Variants in ABLIM2 observed in about 807,000 individuals in gnomAD.
ABLIM2 encodes actin-binding LIM protein 2.
A neutral mutation model predicts 97.7 loss-of-function variants in ABLIM2; 53 were observed. The observed-to-expected ratio is 0.54, with a 90% CI of 0.44 to 0.68. ABLIM2 has a LOEUF of 0.68. Ranked by LOEUF, ABLIM2 falls within the 30% of genes least tolerant of loss-of-function variation. ABLIM2 has a pLI of 0.00. For synonymous variants in ABLIM2, 361 were observed against 345.8 expected (o/e 1.04, Z -0.49); for missense variants, 835 against 867.2 (o/e 0.96, Z 0.47).
chr4:8,111,325 C>T (rs1840174443), intron 1 of ABLIM2, among the ~76,000 whole-genome samples: 1 of 152,198 alleles, frequency 6.6e-6, no homozygotes, highest in Admixed American at 6.5e-5. Flanking sequence ...TTGATGGTTG[C>T]CAGGGCTGGG....
chr4:7,993,037 C>G, intron 16 of ABLIM2, 110 bp from the exon 17 acceptor site: 1 of 1,112,794 alleles, frequency 9.0e-7, no homozygotes. Flanking sequence ...GCAAGCAACA[C>G]AGGGGAGGCC....
Position 8,106,474 on chromosome 4 carries a change from G to T in ABLIM2, c.154+20C>A. ...GGCCCGTTTCAGGGGCCACACTGCA[G>T]GGGACCGGGGGACACTCACCTTTAC... On this transcript the variant is annotated intron_variant, in intron 2 of 20. Transcript: ENST00000447017. 6.3e-7 allele frequency: 1 copy of T among 1,583,196 alleles called. No homozygotes were observed. Among genetic ancestry groups the T allele is most frequent in the Non-Finnish European group, 8.6e-7 (1 of 1,164,758 alleles).
rs1722954961 is a variant in ABLIM2 at position 7,966,327 on chromosome 4, T to G, written c.*663A>C. ...TTTAATAAAATAAAAACTTCTGTGT[T>G]ACTTTAAAGATATTGTGTAGGCATC... On this transcript the variant is annotated 3_prime_UTR_variant, in exon 21 of 21. Transcript: ENST00000447017. The G allele has an allele frequency of 6.5e-6, 1 of 152,686 alleles. No homozygotes were observed. 9.5% of individuals were successfully genotyped at this position (152,686 alleles called of 1,614,324 possible).
intron 11 of ABLIM2, 135 bp downstream of exon 11, chr4:8,029,521 C>A: frequency 8.4e-7 from 1 of 1,187,170 alleles, no homozygotes; most frequent in African/African-American, 1.6e-5. Flanking sequence ...GCTGGCAATC[C>A]CACCCATTTC....
At chr4:8,048,662 G>T (rs1161309570) in intron 8 of ABLIM2, among the ~76,000 whole-genome samples, 1 of 152,202 alleles carries the variant, frequency 6.6e-6, no homozygotes, top group East Asian at 1.9e-4. Flanking sequence ...CCACAAGCCT[G>T]TTTCCTCGTT....
At position 7,986,529 on chromosome 4, in the gene ABLIM2, T is replaced by G. The variant is rs1404647241; in HGVS notation, c.1681-1636A>C. Among the ~76,000 whole-genome samples the G allele has an allele frequency of 6.6e-6, 1 of 152,218 alleles. No individual in the cohort carries two copies. The highest frequency in any genetic ancestry group is 2.4e-5 in the African/African-American group (1 of 41,458). ...TTACATTAATTTGGATTTCTAAAAC[T>G]ATTGCATTAAACTTATCCTGACTGC... On this transcript the variant is annotated intron_variant, in intron 17 of 20. Coordinates refer to ENST00000447017, the MANE Select transcript of ABLIM2 (RefSeq NM_001130083.2). This position sits in a 1 kb window ranked among gnomAD's most constrained non-coding sequence, Gnocchi z 4.3.
At chr4:8,133,096 C>T (rs1197686459) in intron 1 of ABLIM2, among the ~76,000 whole-genome samples, 1 of 152,192 alleles carries the variant, frequency 6.6e-6, no homozygotes, top group Admixed American at 6.5e-5. Context: ...GGCAATCCTC[C>T]CGAGCCTCAG....
intron 10 of ABLIM2, among the ~76,000 whole-genome samples, chr4:8,030,130 T>C (rs546124361): frequency 3.9e-5 from 6 of 152,080 alleles, no homozygotes; most frequent in Admixed American, 1.3e-4. Context: ...TAGAACACAG[T>C]GTGAGAACCA....
chr4:8,090,211 C>T (rs538622978), intron 3 of ABLIM2, among the ~76,000 whole-genome samples: 101 of 152,344 alleles, frequency 6.6e-4, no homozygotes, highest in South Asian at 2.3e-3. Context: ...CCTGGGTCTC[C>T]GTGTCTTGCA....
At position 8,033,243 on chromosome 4, in the gene ABLIM2, GA is replaced by G. The variant is rs1464719022; in HGVS notation, c.1047+2905del. On this transcript the variant is annotated intron_variant, in intron 10 of 20. Coordinates refer to ENST00000447017, the MANE Select transcript of ABLIM2 (RefSeq NM_001130083.2). The surrounding 1 kb of genome is among the most constrained non-coding windows in gnomAD (Gnocchi z 4.5). ...GGAGCATGGAGGTGGGAGGGGCCCA[GA>G]AAGAGCACAGCCCTTGTGAGGTGAG... Among the ~76,000 whole-genome samples, 2 of 152,228 alleles carry G rather than the reference GA, an allele frequency of 1.3e-5. No individual in the cohort carries two copies. The highest frequency in any genetic ancestry group is 2.9e-5 in the Non-Finnish European group (2 of 68,038).
rs763931137 is a variant in ABLIM2 at position 8,108,108 on chromosome 4, T to G, written c.11-1471A>C. Reference sequence around the variant, plus strand: ...GAACTGGAAGCTAATAAACTTGTGTTGTATTCAGTTTGTGGTCACTTGTTA... The same window carrying G: ...GAACTGGAAGCTAATAAACTTGTGTGGTATTCAGTTTGTGGTCACTTGTTA... On this transcript the variant is annotated intron_variant, in intron 1 of 20. Coordinates refer to ENST00000447017, the MANE Select transcript of ABLIM2 (RefSeq NM_001130083.2). Among the ~76,000 whole-genome samples the G allele has an allele frequency of 1.1e-3, 162 of 152,306 alleles. 1 individual carries two copies. Among genetic ancestry groups the G allele is most frequent in the Non-Finnish European group, 7.4e-4 (50 of 68,016 alleles).
chr4:8,005,339 C>T lies in ABLIM2; in HGVS notation c.1618+2720G>A, dbSNP rs183460242. ...CTCAATAAATACCCGTTGAATGTAA[C>T]GCATTTCAATTCAACAGACATTTAT... is the stretch of plus-strand genomic sequence containing the variant. On this transcript the variant is annotated intron_variant, in intron 16 of 20. Coordinates refer to ENST00000447017, the MANE Select transcript of ABLIM2 (RefSeq NM_001130083.2). The surrounding 1 kb of genome is among the most constrained non-coding windows in gnomAD (Gnocchi z 4.9). 15 of 533,484 alleles carry T rather than the reference C, an allele frequency of 2.8e-5. No homozygotes were observed. The highest frequency in any genetic ancestry group is 1.1e-4 in the East Asian group (2 of 18,364). The allele number at this position is 533,484 out of a possible 1,614,324, so 33.0% of individuals were successfully genotyped here.
In ABLIM2 at chr4:7,996,377, G is replaced by T. The variant is rs910361863; in HGVS notation, c.1619-3450C>A. 6.6e-6 allele frequency among the ~76,000 whole-genome samples: 1 copy of T among 152,186 alleles called. No homozygotes were observed. The highest frequency in any genetic ancestry group is 1.5e-5 in the Non-Finnish European group (1 of 68,028). On this transcript the variant is annotated intron_variant, in intron 16 of 20. Transcript: ENST00000447017. The surrounding 1 kb of genome is among the most constrained non-coding windows in gnomAD (Gnocchi z 4.5). Reference sequence around the variant, plus strand: ...GAAGGCCTCTACCTGCCTGCCCCTGGAGTCACCTGGACAGCGTGCCAGGTT... The same window carrying T: ...GAAGGCCTCTACCTGCCTGCCCCTGTAGTCACCTGGACAGCGTGCCAGGTT...
rs1164121600 is a variant in ABLIM2, at chr4:8,021,091, A to G, written c.1268-788T>C. 1.3e-5 allele frequency among the ~76,000 whole-genome samples: 2 copies of G among 152,024 alleles called. No individual in the cohort carries two copies. The highest frequency in any genetic ancestry group is 2.9e-5 in the Non-Finnish European group (2 of 67,990). The stretch of plus-strand genomic sequence containing the variant: ...GGCTGGTCTTGAACTCCTGGGCTCA[A>G]GCAATCTGCCCACCTCTACCTCCCA... On this transcript the variant is annotated intron_variant, in intron 12 of 20. Transcript: ENST00000447017. This position sits in a 1 kb window ranked among gnomAD's most constrained non-coding sequence, Gnocchi z 5.5.
chr4:8,064,565 C>T (rs931223407), intron 6 of ABLIM2, among the ~76,000 whole-genome samples: 7 of 152,172 alleles, frequency 4.6e-5, no homozygotes, highest in African/African-American at 1.4e-4. Flanking sequence ...TTTATAAATT[C>T]CCCAGGAGTT....
chr4:8,126,777 C>T (rs896441704), intron 1 of ABLIM2, among the ~76,000 whole-genome samples: 1 of 152,024 alleles, frequency 6.6e-6, no homozygotes, highest in Non-Finnish European at 1.5e-5. Flanking sequence ...TCAAAAATGT[C>T]TCCAGATGGC....
At chr4:7,984,759 T>C (rs975878875) in intron 18 of ABLIM2, 80 bp downstream of exon 18, 1 of 1,410,306 alleles carries the variant, frequency 7.1e-7, no homozygotes, top group Non-Finnish European at 9.6e-7. Flanking sequence ...GCGGATGGGG[T>C]GGTTTCAGAA....
In ABLIM2 at chr4:8,058,410, A is replaced by G. The variant is rs1201650657; in HGVS notation, c.763+2557T>C. 2.0e-5 allele frequency among the ~76,000 whole-genome samples: 3 copies of G among 152,196 alleles called. No individual in the cohort carries two copies. Among genetic ancestry groups the G allele is most frequent in the East Asian group, 1.9e-4 (1 of 5,178 alleles). The stretch of plus-strand genomic sequence containing the variant: ...TCCACGGCCCTGTGACAATGGCCGC[A>G]TGAGGTCATTCAACAGCCCGCAGGC... On this transcript the variant is annotated intron_variant, in intron 7 of 20. Transcript: ENST00000447017. This position sits in a 1 kb window ranked among gnomAD's most constrained non-coding sequence, Gnocchi z 4.2.
rs1311567711 is a variant in ABLIM2 at position 8,127,926 on chromosome 4, CA to C, written c.11-21290del. On this transcript the variant is annotated intron_variant, in intron 1 of 20. Transcript: ENST00000447017. The surrounding 1 kb of genome is among the most constrained non-coding windows in gnomAD (Gnocchi z 7.3). ...TGTAGGGGCAGCAATAGTGAGCTCA[CA>C]ACCCCCACAGCCCCGCGTGCTGGGA... Among the ~76,000 whole-genome samples, 7 of 152,178 alleles carry C rather than the reference CA, an allele frequency of 4.6e-5. No individual in the cohort carries two copies. The East Asian group carries it at 5.8e-4, about 13-fold the overall frequency.
Sources: allele counts gnomAD v4.1 joint callset (sites outside exome capture counted in the v4.1 genomes callset), GRCh38; gene constraint gnomAD v4.1.1; non-coding constraint Gnocchi (gnomAD v3.1); transcripts MANE v1.5; gene names NCBI Gene and HGNC (gene_info 2026-07-23, HGNC 2026-07-21).